SLC17A1: variants seen among roughly 807,000 people sequenced by gnomAD.
The protein encoded by SLC17A1 is solute carrier family 17 member 1.
In SLC17A1, 51 loss-of-function variants were observed where a neutral mutation model predicts 53.5. The observed-to-expected ratio is 0.95, with a 90% CI of 0.76 to 1.20. The LOEUF is 1.20. Ranked by LOEUF, SLC17A1 falls within the 50% of genes most tolerant of loss-of-function variation. SLC17A1 has a pLI of 0.00. For synonymous variants in SLC17A1, 179 were observed against 198.8 expected, an observed-to-expected ratio of 0.90 and a Z score of 0.84; for missense variants, 538 against 568.2, an observed-to-expected ratio of 0.95 and a Z score of 0.54.
At chr6:25,771,053 C>T in the SLC17A1 span, 1 of 1,462,670 alleles carries the variant, frequency 6.8e-7, no homozygotes, top group East Asian at 2.3e-5. Flanking sequence ...ATGACAGAGA[C>T]TTCTGTGATG....
chr6:25,758,771 T>G, the SLC17A1 span, among the ~76,000 whole-genome samples: 4 of 145,820 alleles, frequency 2.7e-5, no homozygotes, highest in Admixed American at 2.1e-4. Context: ...TTTTGTATTT[T>G]TTGTTTGTTT....
At chr6:25,796,985 A>C (rs1763614618) in intron 12 of SLC17A1, among the ~76,000 whole-genome samples, 1 of 152,226 alleles carries the variant, frequency 6.6e-6, no homozygotes, top group Non-Finnish European at 1.5e-5. Flanking sequence ...GTTTCTACCC[A>C]AGGCCAACCC....
At chr6:25,772,031 T>TA in the SLC17A1 span, among the ~76,000 whole-genome samples, 1 of 152,200 alleles carries the variant, frequency 6.6e-6, no homozygotes, top group South Asian at 2.1e-4. Context: ...ATAGTCCCAC[T>TA]AGTGTGTTCA....
chr6:25,813,058 A>G (rs753364543), intron 7 of SLC17A1, 37 bp downstream of exon 7: 56 of 1,611,474 alleles, frequency 3.5e-5, no homozygotes, highest in Non-Finnish European at 4.8e-5. Flanking sequence ...TTTGGAGTAG[A>G]ATCTGGGAGA....
the SLC17A1 span, chr6:25,731,752 T>C: frequency 4.1e-6 from 6 of 1,451,136 alleles, no homozygotes; most frequent in East Asian, 1.4e-4. Flanking sequence ...GCCTTTGGTT[T>C]GTGGAGCTCA....
chr6:25,726,566 T>C, the SLC17A1 span: 2 of 1,576,886 alleles, frequency 1.3e-6, no homozygotes, highest in Non-Finnish European at 1.7e-6. Flanking sequence ...GAACCACATT[T>C]CTAGGGCTGC....
chr6:25,770,534 C>T, the SLC17A1 span: 1 of 1,425,780 alleles, frequency 7.0e-7, no homozygotes, highest in Non-Finnish European at 9.9e-7. Flanking sequence ...AAAGTCCTGC[C>T]AACAGAACCA....
the SLC17A1 span, chr6:25,777,911 A>AT: frequency 6.3e-7 from 1 of 1,584,606 alleles, no homozygotes; most frequent in Admixed American, 1.7e-5. Context: ...ATAGAGTACC[A>AT]TCTCTCTCTC....
the SLC17A1 span, among the ~76,000 whole-genome samples, chr6:25,767,231 A>T: frequency 1.3e-5 from 2 of 152,216 alleles, no homozygotes; most frequent in African/African-American, 4.8e-5. Flanking sequence ...GTACATAAAC[A>T]ACATTTTAAG....
chr6:25,810,494 T>G (rs1348139470), intron 10 of SLC17A1, among the ~76,000 whole-genome samples: 1 of 152,072 alleles, frequency 6.6e-6, no homozygotes, highest in East Asian at 1.9e-4. Flanking sequence ...AACAGGTATA[T>G]GAAAACAATG....
chr6:25,767,293 TCATGTTTTTAAATTTTGTAATAGC>T, the SLC17A1 span, among the ~76,000 whole-genome samples: 2 of 152,244 alleles, frequency 1.3e-5, no homozygotes, highest in East Asian at 3.9e-4. Context: ...GCAAAATACA[TCATGTTTTTAAATTTTGTAATAGC>T]CTATTAAGAA....
chr6:25,815,122 A>G (rs868703820), intron 6 of SLC17A1, among the ~76,000 whole-genome samples: 12 of 152,028 alleles, frequency 7.9e-5, no homozygotes, highest in South Asian at 4.2e-4. Flanking sequence ...ATACATGTAA[A>G]GAAACATACT....
the SLC17A1 span, chr6:25,732,539 CA>C: frequency 1.9e-6 from 1 of 533,154 alleles, no homozygotes; most frequent in Non-Finnish European, 3.3e-6. Context: ...GGCTGCTCAG[CA>C]AGGGCAACGA....
chr6:25,812,877 T>C lies in SLC17A1; in HGVS notation c.851A>G (p.Tyr284Cys). The change falls in exon 8 of 13, where the codon TAC becomes TGC. Residue 284 changes from tyrosine to cysteine, a missense_variant. By Grantham distance (194) the Tyr-to-Cys change is radical. Coordinates refer to ENST00000244527, the MANE Select transcript of SLC17A1 (RefSeq NM_005074.5). ...FFWSHNIMTLYTPMFINSMLH... is the reference protein window; with the variant it reads ...FFWSHNIMTLCTPMFINSMLH... The stretch of plus-strand genomic sequence containing the variant: ...CATGGAGTTGATAAACATTGGAGTG[T>C]ATAGTGTCATGATGTTATGTGACCA... 1 of 1,612,974 alleles carries C rather than the reference T, an allele frequency of 6.2e-7. No homozygotes were observed. Among genetic ancestry groups the C allele is most frequent in the South Asian group, 1.1e-5 (1 of 91,040 alleles).
intron 10 of SLC17A1, among the ~76,000 whole-genome samples, chr6:25,803,203 C>T (rs1171053640): frequency 1.3e-5 from 2 of 152,090 alleles, no homozygotes; most frequent in African/African-American, 2.4e-5. Flanking sequence ...TCCCAAAGTG[C>T]TGGGATTACA....
chr6:25,832,039 T>C lies in SLC17A1; in HGVS notation c.-96A>G, dbSNP rs1164986180. 6.6e-6 allele frequency: 1 copy of C among 152,222 alleles called. No homozygotes were observed. The highest frequency in any genetic ancestry group is 2.4e-5 in the African/African-American group (1 of 41,460). 9.4% of individuals were successfully genotyped at this position (152,222 alleles called of 1,614,324 possible). A position where few individuals can be genotyped will look rare whatever the true frequency, so the allele number is the denominator to read the frequency against. On this transcript the variant is annotated 5_prime_UTR_variant, in exon 1 of 13. Coordinates refer to ENST00000244527, the MANE Select transcript of SLC17A1 (RefSeq NM_005074.5). ...GATTTCTTCTTCCGCTGTGAAGACT[T>C]TTCTCTCAACTTTACACAATATTGA...
intron 10 of SLC17A1, 120 bp from the exon 11 acceptor site, chr6:25,801,100 A>C: frequency 6.3e-6 from 4 of 639,220 alleles, no homozygotes; most frequent in South Asian, 2.0e-5. Context: ...TGCTTCTCAA[A>C]TTCCATTAAG....
the SLC17A1 span, among the ~76,000 whole-genome samples, chr6:25,761,318 C>G: frequency 3.3e-5 from 5 of 152,166 alleles, no homozygotes; most frequent in South Asian, 2.1e-4. Flanking sequence ...ATTAGAATCT[C>G]CCTTATAATC....
chr6:25,774,847 T>C, the SLC17A1 span, among the ~76,000 whole-genome samples: 1 of 152,336 alleles, frequency 6.6e-6, no homozygotes, highest in Middle Eastern at 3.4e-3. Flanking sequence ...CAAAGTCACA[T>C]AACCTTGACA....
Sources: allele counts gnomAD v4.1 joint callset (sites outside exome capture counted in the v4.1 genomes callset), GRCh38; gene constraint gnomAD v4.1.1; transcripts MANE v1.5; gene names NCBI Gene and HGNC (gene_info 2026-07-23, HGNC 2026-07-21).